Variants in NCOA2 observed in about 807,000 individuals in gnomAD.
The protein encoded by NCOA2 is nuclear receptor coactivator 2.
Under a neutral mutation model 145.1 loss-of-function variants are expected in NCOA2, and 21 were observed. The observed-to-expected ratio is 0.14, with a 90% CI of 0.10 to 0.21. The LOEUF (loss-of-function observed/expected upper bound fraction) is 0.21, where lower values mean the gene tolerates loss of function less well. NCOA2 is among the 10% of genes least tolerant of loss of function. The pLI is 1.00. For missense variants in NCOA2, 1,472 were observed against 1,837.6 expected (o/e 0.80, Z 3.64); for synonymous variants, 619 against 637.5 (o/e 0.97, Z 0.44).
rs975828286 is a variant in NCOA2 at position 70,213,836 on chromosome 8, G to A, written c.259+67C>T. 6.1e-6 allele frequency: 8 copies of A among 1,312,864 alleles called. No individual in the cohort carries two copies. In the East Asian group the frequency reaches 7.5e-5, roughly 12 times the overall value. The allele number at this position is 1,312,864 out of a possible 1,614,324, so 81.3% of individuals were successfully genotyped here. ...GAAATGGATTAAAGGGACTCTGAAGGGACTTCTCACACAGGGAAAAACAGA... is the reference window on the plus strand; with the variant it reads ...GAAATGGATTAAAGGGACTCTGAAGAGACTTCTCACACAGGGAAAAACAGA... On this transcript the variant is annotated intron_variant, in intron 4 of 22. Transcript: ENST00000452400.
In NCOA2 at chr8:70,382,950, GCT is replaced by G. The variant is rs578186922; in HGVS notation, c.-77+20748_-77+20749del. Reference sequence around the variant, plus strand: ...CAGATGGTACTCTGCAGTTTCCACAGCTCTGAGTGAATAGCTCATTTGACTTA... The same window carrying G: ...CAGATGGTACTCTGCAGTTTCCACAGCTGAGTGAATAGCTCATTTGACTTA... On this transcript the variant is annotated intron_variant, in intron 1 of 22. Coordinates refer to ENST00000452400, the MANE Select transcript of NCOA2 (RefSeq NM_006540.4). Among the ~76,000 whole-genome samples the G allele has an allele frequency of 3.9e-5, 6 of 152,170 alleles. No individual in the cohort carries two copies. The South Asian group carries it at 1.2e-3, about 32-fold the overall frequency.
intron 2 of NCOA2, among the ~76,000 whole-genome samples, chr8:70,296,275 C>A (rs1326710173): frequency 6.6e-6 from 1 of 152,164 alleles, no homozygotes; most frequent in Non-Finnish European, 1.5e-5. Context: ...ACAGGTTGGA[C>A]AAGAAAGGTT....
chr8:70,111,275 C>A lies in NCOA2; in HGVS notation c.*2357G>T, dbSNP rs553445186. On this transcript the variant is annotated 3_prime_UTR_variant, in exon 23 of 23. Coordinates refer to ENST00000452400, the MANE Select transcript of NCOA2 (RefSeq NM_006540.4). ...GAAGAGATAGGTAGATAGTTTTGGA[C>A]GGTGTTGTAGTGAAAAGGGACTTGA... 1 of 226,082 alleles carries A rather than the reference C, an allele frequency of 4.4e-6. No individual in the cohort carries two copies. Among genetic ancestry groups the A allele is most frequent in the African/African-American group, 2.2e-5 (1 of 44,944 alleles). The allele number at this position is 226,082 out of a possible 1,614,324, so 14.0% of individuals were successfully genotyped here. A position where few individuals can be genotyped will look rare whatever the true frequency, so the allele number is the denominator to read the frequency against.
rs1021030469 is a variant in NCOA2 at position 70,121,352 on chromosome 8, T to C, written c.4333A>G (p.Asn1445Asp). Residue 1445 changes from asparagine to aspartate, a missense_variant, in exon 22 of 23, where the codon AAC becomes GAC. By Grantham distance (23) the Asn-to-Asp change is conservative. Coordinates refer to ENST00000452400, the MANE Select transcript of NCOA2 (RefSeq NM_006540.4). Reference sequence around the variant, plus strand: ...ATCATATCCATTCCAGGCAGCTGGTTTGGGAACAGGTTGCCTCCCCTCAGA... The same window carrying C: ...ATCATATCCATTCCAGGCAGCTGGTCTGGGAACAGGTTGCCTCCCCTCAGA... ...PALRGGNLFP[N>D]QLPGMDMIKQ... 1.9e-6 allele frequency: 3 copies of C among 1,613,022 alleles called. No homozygotes were observed. The highest frequency in any genetic ancestry group is 3.3e-5 in the Admixed American group (2 of 59,914).
intron 2 of NCOA2, among the ~76,000 whole-genome samples, chr8:70,229,978 T>C (rs1162462014): frequency 6.6e-6 from 1 of 152,242 alleles, no homozygotes; most frequent in Admixed American, 6.5e-5. Context: ...GTATATTTAA[T>C]TCATTTAGTT....
At chr8:70,268,198 T>G (rs1479584890) in intron 2 of NCOA2, among the ~76,000 whole-genome samples, 1 of 152,186 alleles carries the variant, frequency 6.6e-6, no homozygotes, top group Non-Finnish European at 1.5e-5. Context: ...TCTATCCTCA[T>G]TGTCTTTATA....
chr8:70,113,300 C>T lies in NCOA2; in HGVS notation c.*332G>A, dbSNP rs969165908. The T allele has an allele frequency of 5.0e-6, 2 of 400,458 alleles. No individual in the cohort carries two copies. The highest frequency in any genetic ancestry group is 3.9e-5 in the African/African-American group (2 of 51,098). The allele number at this position is 400,458 out of a possible 1,614,324, so 24.8% of individuals were successfully genotyped here. On this transcript the variant is annotated 3_prime_UTR_variant, in exon 23 of 23. Coordinates refer to ENST00000452400, the MANE Select transcript of NCOA2 (RefSeq NM_006540.4). ...ACAAGAGCATGGTTCTCCTTAAATA[C>T]ATACATTTAAATACATTCAATCTGA...
chr8:70,372,532 C>T (rs533756934), intron 1 of NCOA2, among the ~76,000 whole-genome samples: 28 of 152,220 alleles, frequency 1.8e-4, no homozygotes, highest in Non-Finnish European at 3.8e-4. Flanking sequence ...ATGATTCAGC[C>T]TAGGTCATAT....
intron 1 of NCOA2, among the ~76,000 whole-genome samples, chr8:70,319,606 A>G (rs577209297): frequency 9.2e-5 from 14 of 152,200 alleles, no homozygotes; most frequent in Middle Eastern, 3.4e-3. Context: ...AGTGATGCTT[A>G]AATAAATATT....
At chr8:70,216,968 G>A (rs1279161716) in intron 2 of NCOA2, among the ~76,000 whole-genome samples, 1 of 152,114 alleles carries the variant, frequency 6.6e-6, no homozygotes, top group Admixed American at 6.6e-5. Flanking sequence ...AAATGTAAAG[G>A]TTAACATTTA....
chr8:70,251,161 T>C (rs1234138833), intron 2 of NCOA2, among the ~76,000 whole-genome samples: 1 of 152,112 alleles, frequency 6.6e-6, no homozygotes, highest in Non-Finnish European at 1.5e-5. Context: ...GTTTTTTTTC[T>C]TGATGTGTAG....
chr8:70,335,155 A>AAAAAAAAAAAAAAAAAAAAAAAAAAAT (rs774576238), intron 1 of NCOA2, among the ~76,000 whole-genome samples: 1 of 115,384 alleles, frequency 8.7e-6, no homozygotes, highest in Non-Finnish European at 1.8e-5. Context: ...AAAAAAAAAG[A>AAAAAAAAAAAAAAAAAAAAAAAAAAAT]TCTCTCCCTA....
intron 1 of NCOA2, among the ~76,000 whole-genome samples, chr8:70,336,712 A>AC (rs1422106732): frequency 3.9e-5 from 6 of 152,064 alleles, no homozygotes; most frequent in Non-Finnish European, 8.8e-5. Context: ...GGGGAAATCC[A>AC]CCCCCATGAT....
chr8:70,126,416 C>T (rs1808415793), intron 19 of NCOA2, among the ~76,000 whole-genome samples: 1 of 152,172 alleles, frequency 6.6e-6, no homozygotes, highest in South Asian at 2.1e-4. Flanking sequence ...GGTCTTTTTA[C>T]ATTTTGTATC....
chr8:70,299,541 CCAT>C (rs1242501743), intron 1 of NCOA2, among the ~76,000 whole-genome samples: 1 of 152,034 alleles, frequency 6.6e-6, no homozygotes. Flanking sequence ...CTGCAACTCA[CCAT>C]GAGATATACA....
At chr8:70,268,016 T>C (rs997562902) in intron 2 of NCOA2, among the ~76,000 whole-genome samples, 1 of 152,222 alleles carries the variant, frequency 6.6e-6, no homozygotes, top group African/African-American at 2.4e-5. Flanking sequence ...CTAGCCTACC[T>C]GGTTTTTCAG....
At position 70,111,400 on chromosome 8, in the gene NCOA2, G is replaced by A. The variant is rs924720036; in HGVS notation, c.*2232C>T. 2.3e-5 allele frequency: 5 copies of A among 221,878 alleles called. No homozygotes were observed. The highest frequency in any genetic ancestry group is 4.5e-5 in the Non-Finnish European group (5 of 110,948). The allele number at this position is 221,878 out of a possible 1,614,324, so 13.7% of individuals were successfully genotyped here. On this transcript the variant is annotated 3_prime_UTR_variant, in exon 23 of 23. Coordinates refer to ENST00000452400, the MANE Select transcript of NCOA2 (RefSeq NM_006540.4). Reference sequence around the variant, plus strand: ...TCACATATTTCTGAACATTAAAACTGGTCACACTGAATTGTATGCCACATG... The same window carrying A: ...TCACATATTTCTGAACATTAAAACTAGTCACACTGAATTGTATGCCACATG...
At chr8:70,162,399 C>T (rs147668594) in intron 9 of NCOA2, among the ~76,000 whole-genome samples, 6 of 152,290 alleles carry the variant, frequency 3.9e-5, no homozygotes, top group African/African-American at 1.2e-4. Flanking sequence ...CTAACTGAAT[C>T]GTTAATATTT....
chr8:70,170,650 A>G (rs1056557502), intron 5 of NCOA2, among the ~76,000 whole-genome samples: 2 of 152,196 alleles, frequency 1.3e-5, no homozygotes, highest in African/African-American at 4.8e-5. Flanking sequence ...TTAATTTATC[A>G]GGAGATAATT....
Sources: allele counts gnomAD v4.1 joint callset (sites outside exome capture counted in the v4.1 genomes callset), GRCh38; gene constraint gnomAD v4.1.1; transcripts MANE v1.5; gene names NCBI Gene and HGNC (gene_info 2026-07-23, HGNC 2026-07-21).